The following MLLT3 variants were observed in gnomAD, a reference collection of about 807,000 sequenced individuals.
MLLT3 encodes the protein MLLT3 super elongation complex subunit, also known as protein AF-9.
In MLLT3, 4 loss-of-function variants were observed where a neutral mutation model predicts 53.2. That is an observed-to-expected ratio of 0.08 (90% confidence interval 0.04 to 0.17). The LOEUF (loss-of-function observed/expected upper bound fraction) is 0.17. Ranked by LOEUF, MLLT3 falls within the 10% of genes least tolerant of loss-of-function variation. The pLI is 1.00. For synonymous variants in MLLT3, 283 were observed against 230.6 expected (o/e 1.23, Z -2.06); for missense variants, 569 against 684.0 (o/e 0.83, Z 1.87).
intron 5 of MLLT3, among the ~76,000 whole-genome samples, chr9:20,408,112 C>T (rs1269733912): frequency 6.6e-6 from 1 of 152,074 alleles, no homozygotes; most frequent in East Asian, 1.9e-4. Flanking sequence ...CTGAGTTTTG[C>T]CAATTGTTGA....
At chr9:20,384,673 G>T (rs1289105683) in intron 5 of MLLT3, among the ~76,000 whole-genome samples, 1 of 152,094 alleles carries the variant, frequency 6.6e-6, no homozygotes, top group African/African-American at 2.4e-5. Context: ...CTTCCCATGT[G>T]ATGGAGTTCT....
intron 2 of MLLT3, among the ~76,000 whole-genome samples, chr9:20,460,298 T>C (rs1042367034): frequency 2.0e-5 from 3 of 152,184 alleles, no homozygotes; most frequent in African/African-American, 7.2e-5. Flanking sequence ...CTCTATGTCA[T>C]AAAAGGCCAA....
intron 2 of MLLT3, among the ~76,000 whole-genome samples, chr9:20,527,033 G>A (rs968471881): frequency 2.2e-4 from 33 of 152,148 alleles, no homozygotes; most frequent in Middle Eastern, 3.2e-3. Flanking sequence ...CTGGACACAA[G>A]TACTTGGTCC....
intron 2 of MLLT3, among the ~76,000 whole-genome samples, chr9:20,569,787 T>A (rs1379613458): frequency 6.6e-6 from 1 of 152,160 alleles, no homozygotes; most frequent in African/African-American, 2.4e-5. Flanking sequence ...CAGTCCCTGT[T>A]TAGTGGAGCT....
rs147813782 is a variant in MLLT3 at position 20,343,212 on chromosome 9, A to T, written c.*3231T>A. On this transcript the variant is annotated 3_prime_UTR_variant, in exon 11 of 11. Transcript: ENST00000380338. ...AAAAAAAAAAAAAAAAAAAAAAAAA[A>T]AATTTTGAAGAAACTTTTTAGTGGA... The T allele has an allele frequency of 2.3e-4, 26 of 111,424 alleles. No individual in the cohort carries two copies. Among genetic ancestry groups the T allele is most frequent in the African/African-American group, 1.2e-3 (17 of 14,050 alleles). The allele number at this position is 111,424 out of a possible 1,614,324, so 6.9% of individuals were successfully genotyped here.
At chr9:20,418,942 G>A (rs539051778) in intron 4 of MLLT3, among the ~76,000 whole-genome samples, 2 of 152,256 alleles carry the variant, frequency 1.3e-5, no homozygotes, top group African/African-American at 4.8e-5. Flanking sequence ...TAGATAATAT[G>A]CTTGCTGCTA....
chr9:20,543,108 G>T (rs1436539021), intron 2 of MLLT3, among the ~76,000 whole-genome samples: 7 of 152,210 alleles, frequency 4.6e-5, no homozygotes. Context: ...GAAAATTGTG[G>T]CTGGTTTGAT....
chr9:20,497,148 T>C (rs1346749293), intron 2 of MLLT3, among the ~76,000 whole-genome samples: 3 of 152,230 alleles, frequency 2.0e-5, no homozygotes, highest in African/African-American at 7.2e-5. Context: ...TATCCAGTAG[T>C]AAATGGCAAC....
At chr9:20,515,388 T>G (rs1014139662) in intron 2 of MLLT3, among the ~76,000 whole-genome samples, 1 of 152,208 alleles carries the variant, frequency 6.6e-6, no homozygotes, top group African/African-American at 2.4e-5. Flanking sequence ...AATCTAGGAC[T>G]GGCATACTTG....
At chr9:20,490,139 G>A (rs1043890609) in intron 2 of MLLT3, among the ~76,000 whole-genome samples, 4 of 152,154 alleles carry the variant, frequency 2.6e-5, no homozygotes, top group Non-Finnish European at 4.4e-5. Flanking sequence ...TAAGTACCAT[G>A]ACAGGCAGAA....
intron 2 of MLLT3, among the ~76,000 whole-genome samples, chr9:20,571,005 T>A (rs755951191): frequency 5.9e-5 from 9 of 152,194 alleles, no homozygotes; most frequent in Non-Finnish European, 1.2e-4. Flanking sequence ...AAGCCATGAG[T>A]AAAACTCTAG....
At chr9:20,479,430 G>A (rs899608763) in intron 2 of MLLT3, among the ~76,000 whole-genome samples, 1 of 152,090 alleles carries the variant, frequency 6.6e-6, no homozygotes, top group Non-Finnish European at 1.5e-5. Context: ...AGGGAAAATG[G>A]GTGATTTCCT....
intron 2 of MLLT3, among the ~76,000 whole-genome samples, chr9:20,517,324 A>G (rs989733169): frequency 6.6e-6 from 1 of 152,138 alleles, no homozygotes; most frequent in Non-Finnish European, 1.5e-5. Context: ...ACTGAGAGGG[A>G]CCAGAAGGAG....
chr9:20,439,390 C>CAGATCTTTCCAAATAACTGATCTA (rs1823489595), intron 4 of MLLT3, among the ~76,000 whole-genome samples: 1 of 144,692 alleles, frequency 6.9e-6, no homozygotes, highest in African/African-American at 2.6e-5. Flanking sequence ...AAAATATTTA[C>CAGATCTTTCCAAATAACTGATCTA]AGATCTTTCC....
chr9:20,574,138 T>C (rs772119369), intron 2 of MLLT3, among the ~76,000 whole-genome samples: 1 of 152,190 alleles, frequency 6.6e-6, no homozygotes, highest in Non-Finnish European at 1.5e-5. Flanking sequence ...TTCAAGATAA[T>C]GTCCAATAAT....
At chr9:20,609,160 C>T (rs1049247972) in intron 2 of MLLT3, among the ~76,000 whole-genome samples, 3 of 151,936 alleles carry the variant, frequency 2.0e-5, no homozygotes, top group Non-Finnish European at 4.4e-5. Flanking sequence ...GATAAATTAT[C>T]GGCTCTAGTC....
chr9:20,486,333 C>G (rs1230605632), intron 2 of MLLT3, among the ~76,000 whole-genome samples: 1 of 151,966 alleles, frequency 6.6e-6, no homozygotes, highest in Non-Finnish European at 1.5e-5. Flanking sequence ...ACTCAATGAA[C>G]TCAAGAAACA....
intron 2 of MLLT3, among the ~76,000 whole-genome samples, chr9:20,579,931 G>A (rs979156369): frequency 2.6e-5 from 4 of 152,144 alleles, no homozygotes; most frequent in African/African-American, 9.7e-5. Context: ...TAGACCCCAG[G>A]CAGATTTTTG....
At chr9:20,399,131 T>C (rs1822393055) in intron 5 of MLLT3, among the ~76,000 whole-genome samples, 1 of 152,166 alleles carries the variant, frequency 6.6e-6, no homozygotes, top group South Asian at 2.1e-4. Context: ...TGTGTACCTC[T>C]GAGAGGGCCA....
Sources: allele counts gnomAD v4.1 joint callset (sites outside exome capture counted in the v4.1 genomes callset), GRCh38; gene constraint gnomAD v4.1.1; transcripts MANE v1.5; gene names NCBI Gene and HGNC (gene_info 2026-07-23, HGNC 2026-07-21).